The following LAMA1 variants were observed in gnomAD, a reference collection of about 807,000 sequenced individuals.
The protein encoded by LAMA1 is laminin subunit alpha-1.
LAMA1 carries 219 observed loss-of-function variants against 348.7 expected under a neutral mutation model. The ratio of observed to expected loss-of-function variants is 0.63; its 90% CI spans 0.56 to 0.70. LAMA1 has a LOEUF of 0.70. Ranked by LOEUF, LAMA1 falls within the 30% of genes least tolerant of loss-of-function variation. The probability of loss-of-function intolerance (pLI) is 0.00; values close to 1 mark genes in which losing one functional copy is unlikely to be tolerated. For missense variants in LAMA1, 3,744 were observed against 3,888.0 expected, an observed-to-expected ratio of 0.96 and a Z score of 0.99; for synonymous variants, 1,487 against 1,491.0, an observed-to-expected ratio of 1.00 and a Z score of 0.06.
chr18:7,071,605 G>T (rs111479740), intron 3 of LAMA1, among the ~76,000 whole-genome samples: 135 of 152,356 alleles, frequency 8.9e-4, no homozygotes, highest in African/African-American at 2.9e-3. Context: ...AAGCCATATA[G>T]AAACTATTAA....
intron 46 of LAMA1, among the ~76,000 whole-genome samples, chr18:6,974,250 T>G (rs935779726): frequency 2.6e-5 from 4 of 152,152 alleles, no homozygotes; most frequent in African/African-American, 7.2e-5. Context: ...GAATTAATTT[T>G]TATTATATAT....
chr18:6,999,430 A>C lies in LAMA1; in HGVS notation c.4663+15T>G. 2 of 1,614,002 alleles carry C rather than the reference A, an allele frequency of 1.2e-6. No individual in the cohort carries two copies. The highest frequency in any genetic ancestry group is 1.7e-6 in the Non-Finnish European group (2 of 1,179,874). On this transcript the variant is annotated intron_variant, in intron 32 of 62. Coordinates refer to ENST00000389658, the MANE Select transcript of LAMA1 (RefSeq NM_005559.4). ...GGAAAAACCATCTTTACACATTTAG[A>C]GGAGAAATACTCACAAACACAATCT...
intron 36 of LAMA1, among the ~76,000 whole-genome samples, chr18:6,989,391 C>G (rs1317819455): frequency 6.6e-6 from 1 of 152,158 alleles, no homozygotes; most frequent in African/African-American, 2.4e-5. Flanking sequence ...AGACCCCCGA[C>G]CCAGCATGAA....
intron 36 of LAMA1, among the ~76,000 whole-genome samples, chr18:6,987,899 T>G (rs1404022459): frequency 6.6e-6 from 1 of 152,162 alleles, no homozygotes; most frequent in African/African-American, 2.4e-5. Context: ...ATTTCTAATG[T>G]GTGATCATGA....
intron 1 of LAMA1, among the ~76,000 whole-genome samples, chr18:7,088,761 A>G (rs2058227739): frequency 6.6e-6 from 1 of 152,094 alleles, no homozygotes; most frequent in African/African-American, 2.4e-5. Context: ...GCCTCAAACA[A>G]TCCTTCCATC....
In LAMA1 at chr18:7,091,567, C is replaced by A. The variant is rs186089923; in HGVS notation, c.62-11110G>T. ...TTTCTTTCCCTTTCTTCTGCCACTT[C>A]TGCACTTGATTGTACAGATTTTACT... On this transcript the variant is annotated intron_variant, in intron 1 of 62. Transcript: ENST00000389658. 3.7e-3 allele frequency among the ~76,000 whole-genome samples: 570 copies of A among 152,350 alleles called. 6 individuals are homozygous for A. Among genetic ancestry groups the A allele is most frequent in the African/African-American group, 0.013 (528 of 41,588 alleles).
intron 20 of LAMA1, 76 bp downstream of exon 20, chr18:7,017,202 C>T: frequency 8.8e-7 from 1 of 1,138,118 alleles, no homozygotes; most frequent in Non-Finnish European, 1.3e-6. Context: ...CACTTGGGGA[C>T]TTAGCTCCTT....
chr18:7,057,927 T>C (rs1016973511), intron 3 of LAMA1, among the ~76,000 whole-genome samples: 2 of 151,806 alleles, frequency 1.3e-5, no homozygotes. Flanking sequence ...CCCGAGTAGC[T>C]GGGATTATAG....
intron 23 of LAMA1, among the ~76,000 whole-genome samples, chr18:7,012,475 A>G (rs1220395104): frequency 1.4e-5 from 2 of 141,556 alleles, no homozygotes; most frequent in Admixed American, 7.1e-5. Context: ...GCCAGGTGAT[A>G]AATATTATTA....
Position 6,983,195 on chromosome 18 carries a change from G to T in LAMA1, c.5700C>A (p.Thr1900=), listed in dbSNP as rs11661974. 41,712 of 1,614,038 alleles carry T rather than the reference G, an allele frequency of 0.026. 718 individuals are homozygous for T. Among genetic ancestry groups the T allele is most frequent in the East Asian group, 0.07 (3,160 of 44,862 alleles). The change falls in exon 40 of 63, where the codon ACC becomes ACA. Residue 1900 remains threonine (T), a synonymous_variant. Coordinates refer to ENST00000389658, the MANE Select transcript of LAMA1 (RefSeq NM_005559.4). ...ENIRNVSLNA[T]SAAYVHYNIQ... Reference sequence around the variant, plus strand: ...TGTTGTAATGGACATAGGCTGCACTGGTGGCATTCAGGGACACATTTCTGA... The same window carrying T: ...TGTTGTAATGGACATAGGCTGCACTTGTGGCATTCAGGGACACATTTCTGA...
chr18:7,065,610 C>T (rs2058119640), intron 3 of LAMA1, among the ~76,000 whole-genome samples: 1 of 151,990 alleles, frequency 6.6e-6, no homozygotes, highest in Admixed American at 6.6e-5. Flanking sequence ...ACCTGTAGTC[C>T]CAGCTACTCG....
Position 6,950,987 on chromosome 18 carries a change from G to A in LAMA1, c.8208-16C>T. 1 of 1,611,282 alleles carries A rather than the reference G, an allele frequency of 6.2e-7. No individual in the cohort carries two copies. Among genetic ancestry groups the A allele is most frequent in the Admixed American group, 1.7e-5 (1 of 59,698 alleles). On this transcript the variant is annotated splice_polypyrimidine_tract_variant and intron_variant, in intron 57 of 62. Coordinates refer to ENST00000389658, the MANE Select transcript of LAMA1 (RefSeq NM_005559.4). ...AACCGAGAGCCTGGGGAAAACAAGT[G>A]CTCAGCGTTGAGAAAGGAAACTTTT...
chr18:6,980,722 G>A (rs556911672), intron 41 of LAMA1, 85 bp from the exon 42 acceptor site: 29 of 756,558 alleles, frequency 3.8e-5, no homozygotes, highest in East Asian at 3.2e-4. Flanking sequence ...CTTGACCATC[G>A]ACAGAATTCA....
intron 3 of LAMA1, among the ~76,000 whole-genome samples, chr18:7,066,171 T>G (rs1187300232): frequency 6.6e-6 from 1 of 152,222 alleles, no homozygotes; most frequent in Non-Finnish European, 1.5e-5. Flanking sequence ...TTGAATGTTT[T>G]CCATGATTTA....
chr18:7,085,539 C>T (rs1422460985), intron 1 of LAMA1, among the ~76,000 whole-genome samples: 1 of 151,468 alleles, frequency 6.6e-6, no homozygotes, highest in Non-Finnish European at 1.5e-5. Context: ...CTGTCTCAGC[C>T]TCCAGAGTAG....
At position 7,037,806 on chromosome 18, in the gene LAMA1, C is replaced by T. The variant is rs1020564761; in HGVS notation, c.1564-55G>A. On this transcript the variant is annotated intron_variant, in intron 11 of 62. Transcript: ENST00000389658. ...ATGAAATAGAACTTACCTTAGATTT[C>T]ACCCAGTGCAGCAGTAATATTTTCA... is the stretch of plus-strand genomic sequence containing the variant. 14 of 1,541,016 alleles carry T rather than the reference C, an allele frequency of 9.1e-6. No homozygotes were observed. The African/African-American group carries it at 1.9e-4, about 21-fold the overall frequency.
At chr18:7,097,323 A>G (rs1407212230) in intron 1 of LAMA1, among the ~76,000 whole-genome samples, 1 of 152,196 alleles carries the variant, frequency 6.6e-6, no homozygotes, top group Non-Finnish European at 1.5e-5. Context: ...AAATTCAATG[A>G]AAGAAATGTT....
At chr18:7,016,112 T>G (rs986498384) in intron 21 of LAMA1, among the ~76,000 whole-genome samples, 16 of 151,950 alleles carry the variant, frequency 1.1e-4, no homozygotes, top group Admixed American at 5.9e-4. Flanking sequence ...CCTCACTAGG[T>G]GATCACAGAG....
At chr18:7,047,848 A>C (rs938852322) in intron 5 of LAMA1, among the ~76,000 whole-genome samples, 2 of 152,242 alleles carry the variant, frequency 1.3e-5, no homozygotes, top group South Asian at 4.1e-4. Context: ...AGCAAAAAAA[A>C]CTCTGACTCC....
Sources: gnomAD v4.1 joint callset for allele counts (sites outside exome capture counted in the v4.1 genomes callset) on GRCh38, gnomAD v4.1.1 for gene constraint, MANE v1.5 for transcripts, NCBI Gene and HGNC (gene_info 2026-07-23, HGNC 2026-07-21) for gene names.